Variants in FBXL3 observed in about 807,000 individuals in gnomAD.
FBXL3 encodes F-box/LRR-repeat protein 3.
A neutral mutation model predicts 37.9 loss-of-function variants in FBXL3; 14 were observed. The ratio of observed to expected loss-of-function variants is 0.37; its 90% CI spans 0.24 to 0.58. The LOEUF is 0.58. Among genes scored for constraint, FBXL3 ranks in the 20% least tolerant of loss-of-function variants. The pLI is 0.74. For missense variants in FBXL3, 327 were observed against 511.1 expected (o/e 0.64, Z 3.47); for synonymous variants, 194 against 180.1 (o/e 1.08, Z -0.62).
At chr13:77,009,008 A>G (rs1024372141) in intron 4 of FBXL3, 2 of 152,252 alleles carry the variant, frequency 1.3e-5, no homozygotes, top group Admixed American at 6.5e-5. Flanking sequence ...TGTGCCAGGT[A>G]CTAGATGTTA....
At chr13:77,021,893 A>G (rs370948842) in intron 1 of FBXL3, 32 bp from the exon 2 acceptor site, 122 of 1,526,568 alleles carry the variant, frequency 8.0e-5, no homozygotes, top group Admixed American at 1.8e-4. Context: ...TTTTTTTCCT[A>G]CTCAACTTTT....
At chr13:77,017,190 C>A (rs1205512623) in intron 3 of FBXL3, 4 of 152,134 alleles carry the variant, frequency 2.6e-5, no homozygotes, top group African/African-American at 9.7e-5. Context: ...ATCCTAGCCT[C>A]ACTTAATAAG....
At position 77,021,959 on chromosome 13, in the gene FBXL3, C is replaced by G. The variant is rs79233038; in HGVS notation, c.-1-98G>C. Reference sequence around the variant, plus strand: ...TGTCACTGAGATGTGTGTTTATATACACAAACATGCAGGAAAAACTGGATC... The same window carrying G: ...TGTCACTGAGATGTGTGTTTATATAGACAAACATGCAGGAAAAACTGGATC... On this transcript the variant is annotated intron_variant, in intron 1 of 4. Transcript: ENST00000355619. 8.7e-3 allele frequency: 8,245 copies of G among 943,054 alleles called. 128 individuals carry two copies. Among genetic ancestry groups the G allele is most frequent in the East Asian group, 0.067 (2,754 of 41,218 alleles). 58.4% of individuals were successfully genotyped at this position (943,054 alleles called of 1,614,324 possible). A position where few individuals can be genotyped will look rare whatever the true frequency, so the allele number is the denominator to read the frequency against.
In FBXL3 at chr13:77,006,656, C is replaced by T; in HGVS notation, c.*489G>A. ...TTTGTAACATTTGAGAACATTCATC[C>T]AATCTTTTCCATTAGATATGATATA... On this transcript the variant is annotated 3_prime_UTR_variant, in exon 5 of 5. Transcript: ENST00000355619. 1 of 261,698 alleles carries T rather than the reference C, an allele frequency of 3.8e-6. No individual in the cohort carries two copies. Among genetic ancestry groups the T allele is most frequent in the Non-Finnish European group, 6.0e-6 (1 of 167,470 alleles). 16.2% of individuals were successfully genotyped at this position (261,698 alleles called of 1,614,324 possible). A position where few individuals can be genotyped will look rare whatever the true frequency, so the allele number is the denominator to read the frequency against.
intron 2 of FBXL3, among the ~76,000 whole-genome samples, chr13:77,020,121 T>G (rs887176008): frequency 6.6e-6 from 1 of 152,200 alleles, no homozygotes; most frequent in Non-Finnish European, 1.5e-5. Flanking sequence ...GAGTCCTGAA[T>G]TTTTGTTTGA....
At chr13:77,014,990 T>TAGTTGTACAACTTAGTACAACTC (rs1392696113) in intron 4 of FBXL3, 1 of 152,370 alleles carries the variant, frequency 6.6e-6, no homozygotes, top group Non-Finnish European at 1.5e-5. Flanking sequence ...TAGTACAACT[T>TAGTTGTACAACTTAGTACAACTC]AGTTGTACAA....
In FBXL3 at chr13:77,021,654, T is replaced by C. The variant is rs1228419950; in HGVS notation, c.207A>G (p.Val69=). 3.0e-5 allele frequency: 48 copies of C among 1,614,020 alleles called. No individual in the cohort carries two copies. Among genetic ancestry groups the C allele is most frequent in the Non-Finnish European group, 3.4e-5 (40 of 1,180,026 alleles). ...ATCTCCACAAGTCAGGCATGTGAAA[T>C]ACCTGGTTCCAGTTGCGGCAAACTT... ...ASQVCRNWNQ[V]FHMPDLWRCF... The change falls in exon 2 of 5, where the codon GTA becomes GTG. Residue 69 remains valine (V), a synonymous_variant. Coordinates refer to ENST00000355619, the MANE Select transcript of FBXL3 (RefSeq NM_012158.4).
At chr13:77,014,975 C>T (rs982857371) in intron 4 of FBXL3, 1 of 152,324 alleles carries the variant, frequency 6.6e-6, no homozygotes, top group Non-Finnish European at 1.5e-5. Flanking sequence ...TCTAAGGCTA[C>T]CACTTAGTAC....
intron 1 of FBXL3, among the ~76,000 whole-genome samples, chr13:77,023,343 A>AGAGT (rs761842478): frequency 7.2e-6 from 1 of 139,700 alleles, no homozygotes; most frequent in African/African-American, 2.8e-5. Context: ...GGAGAGAGAG[A>AGAGT]GAGTGTGTGT....
chr13:77,009,114 G>A (rs907924645), intron 4 of FBXL3: 2 of 152,188 alleles, frequency 1.3e-5, no homozygotes, highest in Non-Finnish European at 2.9e-5. Context: ...ACAAACACAG[G>A]CTAAGTGACT....
At chr13:77,009,341 GT>G (rs2034505563) in intron 4 of FBXL3, 1 of 152,104 alleles carries the variant, frequency 6.6e-6, no homozygotes, top group African/African-American at 2.4e-5. Flanking sequence ...CTTTATTTTT[GT>G]TTTGAGATGG....
chr13:77,017,581 T>G (rs748847578), intron 3 of FBXL3: 5 of 152,146 alleles, frequency 3.3e-5, no homozygotes, highest in Non-Finnish European at 5.9e-5. Flanking sequence ...TCAGAAGATT[T>G]TTACACATTA....
In FBXL3 at chr13:77,020,491, A is replaced by C. The variant is rs2034721968; in HGVS notation, c.348+1022T>G. On this transcript the variant is annotated intron_variant, in intron 2 of 4. Transcript: ENST00000355619. The stretch of plus-strand genomic sequence containing the variant: ...AGGAAATTACATTCTTCGAGGGAAG[A>C]CAAGATTTTAGTTATGGCCAGAAGC... 2.0e-5 allele frequency among the ~76,000 whole-genome samples: 3 copies of C among 152,222 alleles called. No individual in the cohort carries two copies. In the South Asian group the frequency reaches 6.2e-4, roughly 31 times the overall value.
chr13:77,009,993 T>A (rs1184982892), intron 4 of FBXL3: 1 of 152,172 alleles, frequency 6.6e-6, no homozygotes, highest in Admixed American at 6.5e-5. Flanking sequence ...CTCAGCAAAC[T>A]AACACAAGAA....
intron 1 of FBXL3, among the ~76,000 whole-genome samples, chr13:77,025,727 A>G (rs892027832): frequency 6.6e-6 from 1 of 151,096 alleles, no homozygotes. Context: ...GAAAGAAGCA[A>G]CTTCATTAGG....
chr13:77,020,800 T>C (rs1004300333), intron 2 of FBXL3, among the ~76,000 whole-genome samples: 2 of 152,242 alleles, frequency 1.3e-5, no homozygotes, highest in African/African-American at 4.8e-5. Flanking sequence ...TGCACAATCA[T>C]AGCTCACCAC....
chr13:77,011,170 T>C (rs1446448860), intron 4 of FBXL3, among the ~76,000 whole-genome samples: 1 of 151,762 alleles, frequency 6.6e-6, no homozygotes, highest in East Asian at 1.9e-4. Context: ...TGAAACCCCA[T>C]CTCTACTAAA....
rs1261574475 is a variant in FBXL3, at chr13:77,005,608, T to C, written c.*1537A>G. On this transcript the variant is annotated 3_prime_UTR_variant, in exon 5 of 5. Coordinates refer to ENST00000355619, the MANE Select transcript of FBXL3 (RefSeq NM_012158.4). ...GATAAGCCTTTTTTCTTCTCATATG[T>C]TGCTGTAGGAGAGCATATCATCACT... 5 of 152,184 alleles carry C rather than the reference T, an allele frequency of 3.3e-5. No homozygotes were observed. Among genetic ancestry groups the C allele is most frequent in the African/African-American group, 1.2e-4 (5 of 41,448 alleles). 9.4% of individuals were successfully genotyped at this position (152,184 alleles called of 1,614,324 possible). A position where few individuals can be genotyped will look rare whatever the true frequency, so the allele number is the denominator to read the frequency against.
At chr13:77,009,443 T>A in intron 4 of FBXL3, 1 of 152,260 alleles carries the variant, frequency 6.6e-6, no homozygotes, top group Non-Finnish European at 1.5e-5. Flanking sequence ...TTCTCCTGCC[T>A]CGGCCTACCA....
Sources: gnomAD v4.1 joint callset for allele counts (sites outside exome capture counted in the v4.1 genomes callset) on GRCh38, gnomAD v4.1.1 for gene constraint, MANE v1.5 for transcripts, NCBI Gene and HGNC (gene_info 2026-07-23, HGNC 2026-07-21) for gene names.